PIK3C2G: variants seen among roughly 807,000 people sequenced by gnomAD.
PIK3C2G encodes phosphatidylinositol 3-kinase C2 domain-containing subunit gamma.
In PIK3C2G, 168 loss-of-function variants were observed where a neutral mutation model predicts 181.1. The observed-to-expected ratio is 0.93, with a 90% CI of 0.82 to 1.05. The LOEUF (loss-of-function observed/expected upper bound fraction) is 1.05. PIK3C2G is among the 50% of genes least tolerant of loss of function. The pLI is 0.00. For synonymous variants in PIK3C2G, 573 were observed against 592.2 expected (o/e 0.97, Z 0.47); for missense variants, 1,869 against 1,732.8 (o/e 1.08, Z -1.40).
intron 11 of PIK3C2G, among the ~76,000 whole-genome samples, chr12:18,361,157 C>T (rs928026217): frequency 3.9e-5 from 6 of 152,004 alleles, no homozygotes; most frequent in Non-Finnish European, 7.4e-5. Flanking sequence ...TCTTCAAGTT[C>T]ACTGATTATC....
At chr12:18,363,010 TA>T (rs1255805919) in intron 12 of PIK3C2G, 124 bp downstream of exon 12, 12 of 679,298 alleles carry the variant, frequency 1.8e-5, no homozygotes, top group Non-Finnish European at 2.8e-5. Flanking sequence ...GATTCAGTGG[TA>T]TGATAAGTAC....
At chr12:18,438,593 G>T (rs1777949957) in intron 18 of PIK3C2G, among the ~76,000 whole-genome samples, 1 of 151,822 alleles carries the variant, frequency 6.6e-6, no homozygotes, top group African/African-American at 2.4e-5. Flanking sequence ...AATACTCAGA[G>T]ATGCTAGGTA....
the PIK3C2G span, among the ~76,000 whole-genome samples, chr12:18,721,717 A>C: frequency 1.2e-5 from 1 of 82,896 alleles, no homozygotes; most frequent in Non-Finnish European, 2.4e-5. Flanking sequence ...CTTGCTATTA[A>C]AAAAAAAAAA....
chr12:18,470,012 G>T (rs192601894), intron 18 of PIK3C2G, among the ~76,000 whole-genome samples: 181 of 151,430 alleles, frequency 1.2e-3, no homozygotes, highest in African/African-American at 4.3e-3. Flanking sequence ...TTACCTGAGA[G>T]TTAAACTTCA....
chr12:18,324,740 C>A (rs1452693816), intron 7 of PIK3C2G, among the ~76,000 whole-genome samples: 1 of 152,090 alleles, frequency 6.6e-6, no homozygotes, highest in Non-Finnish European at 1.5e-5. Context: ...TTGCAACTTA[C>A]GGTTTGAATT....
chr12:18,523,729 G>T (rs565500900), intron 24 of PIK3C2G, among the ~76,000 whole-genome samples: 31 of 152,316 alleles, frequency 2.0e-4, no homozygotes, highest in African/African-American at 6.5e-4. Context: ...CAGATACTCT[G>T]TGGATAATCA....
At chr12:18,430,273 A>G (rs144019367) in intron 18 of PIK3C2G, among the ~76,000 whole-genome samples, 1 of 152,178 alleles carries the variant, frequency 6.6e-6, no homozygotes, top group Non-Finnish European at 1.5e-5. Context: ...CCTCCTACCA[A>G]GTCTGATTGA....
rs1210825539 is a variant in PIK3C2G at position 18,371,316 on chromosome 12, G to A, written c.1880+5G>A. The A allele has an allele frequency of 6.2e-7, 1 of 1,603,176 alleles. No homozygotes were observed. Among genetic ancestry groups the A allele is most frequent in the South Asian group, 1.1e-5 (1 of 88,322 alleles). On this transcript the variant is annotated splice_donor_5th_base_variant and intron_variant, in intron 13 of 32. Transcript: ENST00000538779. The stretch of plus-strand genomic sequence containing the variant: ...TCTTCCACTGTTTCCAAAAGAGTAA[G>A]TGTATCAATTGTGAGTAATAAGCCT...
chr12:18,538,313 G>A lies in PIK3C2G; in HGVS notation c.3480+1G>A, dbSNP rs907142477. On this transcript the variant is annotated splice_donor_variant, in intron 25 of 32. Coordinates refer to ENST00000538779, the MANE Select transcript of PIK3C2G (RefSeq NM_001288772.2). LOFTEE classifies it high-confidence loss of function. ...ACTGCTCTTGAACCTGCTGGAAATG[G>A]TAAGTCCCTTGGGAAAAAAAAACAA... 2 of 1,593,650 alleles carry A rather than the reference G, an allele frequency of 1.3e-6. No homozygotes were observed. The highest frequency in any genetic ancestry group is 1.7e-6 in the Non-Finnish European group (2 of 1,172,716).
At chr12:18,419,733 T>C (rs1461742208) in intron 16 of PIK3C2G, among the ~76,000 whole-genome samples, 2 of 152,172 alleles carry the variant, frequency 1.3e-5, no homozygotes, top group Non-Finnish European at 2.9e-5. Context: ...ACTAACCTTA[T>C]AGGTAAAATT....
chr12:18,245,257 T>C (rs1948027982), upstream of PIK3C2G, among the ~76,000 whole-genome samples: 1 of 152,116 alleles, frequency 6.6e-6, no homozygotes, highest in Non-Finnish European at 1.5e-5. Flanking sequence ...CTTCATGTTT[T>C]AGAACCTCTC....
At chr12:18,627,933 G>T (rs1949175589) in intron 31 of PIK3C2G, among the ~76,000 whole-genome samples, 1 of 152,104 alleles carries the variant, frequency 6.6e-6, no homozygotes, top group Non-Finnish European at 1.5e-5. Flanking sequence ...ATTATTCATT[G>T]AAAAGATAAT....
intron 25 of PIK3C2G, among the ~76,000 whole-genome samples, chr12:18,539,486 A>G (rs191545330): frequency 2.6e-5 from 4 of 151,978 alleles, no homozygotes; most frequent in Admixed American, 2.0e-4. Context: ...GTCCAATGTA[A>G]TATCCTCTAG....
chr12:18,248,498 G>A (rs1948064583), intron 1 of PIK3C2G, among the ~76,000 whole-genome samples: 1 of 152,214 alleles, frequency 6.6e-6, no homozygotes, highest in East Asian at 1.9e-4. Flanking sequence ...GTGTGAACCC[G>A]GGGCGGAGCC....
chr12:18,621,712 C>T (rs540128464), intron 31 of PIK3C2G, among the ~76,000 whole-genome samples: 16 of 151,816 alleles, frequency 1.1e-4, no homozygotes, highest in East Asian at 3.9e-4. Flanking sequence ...GCTAGACACA[C>T]GGTGGTTAGA....
intron 31 of PIK3C2G, among the ~76,000 whole-genome samples, chr12:18,616,065 C>A (rs539528020): frequency 3.3e-5 from 5 of 152,088 alleles, no homozygotes; most frequent in African/African-American, 1.2e-4. Flanking sequence ...CTGTTTATAT[C>A]CAATGTAATC....
chr12:18,429,160 AGAG>A (rs1465966105), intron 18 of PIK3C2G, among the ~76,000 whole-genome samples: 2 of 152,166 alleles, frequency 1.3e-5, no homozygotes, highest in South Asian at 2.1e-4. Context: ...GAGAGGCAGA[AGAG>A]GAGAAGACAC....
chr12:18,406,604 C>A (rs1944546719), intron 16 of PIK3C2G, among the ~76,000 whole-genome samples: 1 of 152,044 alleles, frequency 6.6e-6, no homozygotes, highest in South Asian at 2.1e-4. Flanking sequence ...TTCCAGCGTG[C>A]TTACAAGGTG....
chr12:18,244,143 C>A (rs1948015009), upstream of PIK3C2G, among the ~76,000 whole-genome samples: 1 of 151,728 alleles, frequency 6.6e-6, no homozygotes, highest in Non-Finnish European at 1.5e-5. Flanking sequence ...CCAAATCAAG[C>A]AAAATAATTT....
Sources: allele counts gnomAD v4.1 joint callset (sites outside exome capture counted in the v4.1 genomes callset), GRCh38; gene constraint gnomAD v4.1.1; transcripts MANE v1.5; gene names NCBI Gene and HGNC (gene_info 2026-07-23, HGNC 2026-07-21).